AK8: variants seen among roughly 807,000 people sequenced by gnomAD.
AK8 encodes adenylate kinase 8.
In AK8, 44 loss-of-function variants were observed where a neutral mutation model predicts 54.6. The ratio of observed to expected loss-of-function variants is 0.81; its 90% CI spans 0.63 to 1.04. The LOEUF (loss-of-function observed/expected upper bound fraction) is 1.04. Among genes scored for constraint, AK8 ranks in the 50% least tolerant of loss-of-function variants. AK8 has a pLI of 0.00. For synonymous variants in AK8, 239 were observed against 245.6 expected, an observed-to-expected ratio of 0.97 and a Z score of 0.25; for missense variants, 555 against 613.6, an observed-to-expected ratio of 0.90 and a Z score of 1.01.
intron 1 of AK8, among the ~76,000 whole-genome samples, 187 bp from the exon 2 acceptor site, chr9:132,875,386 G>T (rs893428404): frequency 6.6e-6 from 1 of 151,980 alleles, no homozygotes; most frequent in African/African-American, 2.4e-5. Context: ...GGGGGGCCAC[G>T]TGGTGCTGCT....
At chr9:132,853,338 A>C (rs1843043956) in intron 5 of AK8, among the ~76,000 whole-genome samples, 1 of 147,720 alleles carries the variant, frequency 6.8e-6, no homozygotes. Context: ...TACCTGGGCG[A>C]CAGAATGAGA....
chr9:132,869,174 C>G (rs577432387), intron 2 of AK8, among the ~76,000 whole-genome samples: 2 of 152,174 alleles, frequency 1.3e-5, no homozygotes, highest in Non-Finnish European at 2.9e-5. Flanking sequence ...AGCAAGACTT[C>G]GTCTCAAAAT....
At chr9:132,876,308 ATTTCATGT>A (rs1332410694) in intron 1 of AK8, among the ~76,000 whole-genome samples, 5 of 152,230 alleles carry the variant, frequency 3.3e-5, no homozygotes, top group Non-Finnish European at 7.3e-5. Context: ...AATATTTTAC[ATTTCATGT>A]TTAAATCATT....
At chr9:132,792,573 C>A in intron 11 of AK8, 61 bp downstream of exon 11, 1 of 1,518,754 alleles carries the variant, frequency 6.6e-7, no homozygotes, top group African/African-American at 1.4e-5. Flanking sequence ...TTCAGCTGAG[C>A]CCTGGAGAGG....
intron 12 of AK8, among the ~76,000 whole-genome samples, chr9:132,726,647 G>A (rs1836589081): frequency 6.6e-6 from 1 of 152,196 alleles, no homozygotes; most frequent in Non-Finnish European, 1.5e-5. Flanking sequence ...ACAGTGCCAT[G>A]GTAAGCAGGA....
intron 11 of AK8, among the ~76,000 whole-genome samples, chr9:132,766,727 A>G (rs1838739381): frequency 6.6e-6 from 1 of 152,204 alleles, no homozygotes; most frequent in East Asian, 1.9e-4. Context: ...GGAGGCATCA[A>G]ATATACTACA....
chr9:132,835,133 G>A (rs1309816902), intron 5 of AK8, among the ~76,000 whole-genome samples: 2 of 152,230 alleles, frequency 1.3e-5, no homozygotes, highest in African/African-American at 4.8e-5. Flanking sequence ...GCTGCCCAAA[G>A]TGCTGGGATT....
At chr9:132,778,595 A>G (rs1296731917) in intron 11 of AK8, among the ~76,000 whole-genome samples, 1 of 152,176 alleles carries the variant, frequency 6.6e-6, no homozygotes, top group Admixed American at 6.5e-5. Context: ...ACTTTGGACC[A>G]TGTTAGAAAT....
intron 5 of AK8, among the ~76,000 whole-genome samples, chr9:132,831,665 C>T (rs902909231): frequency 6.6e-6 from 1 of 152,228 alleles, no homozygotes; most frequent in Admixed American, 6.5e-5. Context: ...GACGGACTGA[C>T]ATGGACGGAC....
intron 2 of AK8, among the ~76,000 whole-genome samples, chr9:132,868,653 A>T (rs1478453801): frequency 6.6e-6 from 1 of 152,218 alleles, no homozygotes; most frequent in Admixed American, 6.5e-5. Context: ...CCCCACAGGA[A>T]GAGAAGCTCC....
chr9:132,842,204 G>GC (rs1459741431), intron 5 of AK8, among the ~76,000 whole-genome samples: 4 of 152,216 alleles, frequency 2.6e-5, no homozygotes, highest in Non-Finnish European at 4.4e-5. Context: ...GGATAGGGCT[G>GC]CTGGATTTTA....
In AK8 at chr9:132,826,836, C is replaced by T; in HGVS notation, c.757+18G>A. 1 of 1,613,632 alleles carries T rather than the reference C, an allele frequency of 6.2e-7. No individual in the cohort carries two copies. The highest frequency in any genetic ancestry group is 8.5e-7 in the Non-Finnish European group (1 of 1,179,478). On this transcript the variant is annotated intron_variant, in intron 8 of 12. Transcript: ENST00000298545. The surrounding 1 kb of genome is among the most constrained non-coding windows in gnomAD (Gnocchi z 4.5). ...CCTTGGCCGTCTGTCCAGGGTGGGG[C>T]TGCCTGCTTGTGTTTACCCTGGTAG...
intron 5 of AK8, among the ~76,000 whole-genome samples, chr9:132,840,298 T>C (rs1842485125): frequency 6.6e-6 from 1 of 151,760 alleles, no homozygotes; most frequent in Middle Eastern, 3.2e-3. Context: ...TCCAAAGGAG[T>C]GAACCGAGCA....
chr9:132,731,856 G>A (rs376676225), intron 11 of AK8, among the ~76,000 whole-genome samples: 8 of 152,152 alleles, frequency 5.3e-5, no homozygotes, highest in South Asian at 2.1e-4. Flanking sequence ...GCAACATTGC[G>A]AGACCCCGTC....
chr9:132,790,640 C>G lies in AK8; in HGVS notation c.1121+1994G>C. On this transcript the variant is annotated intron_variant, in intron 11 of 12. Coordinates refer to ENST00000298545, the MANE Select transcript of AK8 (RefSeq NM_152572.3). This position sits in a 1 kb window ranked among gnomAD's most constrained non-coding sequence, Gnocchi z 4.1. Reference sequence around the variant, plus strand: ...GCAGTACCAGGACAGCCCTTATGGTCAGGAAAAACCACCGTGTCGATCATG... The same window carrying G: ...GCAGTACCAGGACAGCCCTTATGGTGAGGAAAAACCACCGTGTCGATCATG... Among the ~76,000 whole-genome samples, 1 of 152,090 alleles carries G rather than the reference C, an allele frequency of 6.6e-6. No individual in the cohort carries two copies. Among genetic ancestry groups the G allele is most frequent in the East Asian group, 1.9e-4 (1 of 5,192 alleles).
intron 11 of AK8, among the ~76,000 whole-genome samples, chr9:132,744,489 C>A (rs888525979): frequency 2.0e-5 from 3 of 151,618 alleles, no homozygotes; most frequent in Non-Finnish European, 2.9e-5. Flanking sequence ...GGTCAGATCA[C>A]GCAGGTGTCA....
At chr9:132,820,822 G>A (rs1305570658) in intron 9 of AK8, among the ~76,000 whole-genome samples, 4 of 152,328 alleles carry the variant, frequency 2.6e-5, no homozygotes, top group Admixed American at 6.5e-5. Flanking sequence ...GGCCGCAGCG[G>A]AGCAGACAGC....
At chr9:132,779,397 C>T (rs1000732808) in intron 11 of AK8, among the ~76,000 whole-genome samples, 2 of 152,256 alleles carry the variant, frequency 1.3e-5, no homozygotes, top group Non-Finnish European at 2.9e-5. Context: ...TCATAGCTCA[C>T]TGCAGCCTCT....
intron 10 of AK8, among the ~76,000 whole-genome samples, chr9:132,812,149 G>A (rs1025476707): frequency 7.0e-5 from 10 of 143,566 alleles, no homozygotes; most frequent in African/African-American, 2.5e-4. Context: ...CAGTAAATGG[G>A]AATTTGGAGA....
Sources: gnomAD v4.1 joint callset for allele counts (sites outside exome capture counted in the v4.1 genomes callset) on GRCh38, gnomAD v4.1.1 for gene constraint, Gnocchi (gnomAD v3.1) non-coding constraint, MANE v1.5 for transcripts, NCBI Gene and HGNC (gene_info 2026-07-23, HGNC 2026-07-21) for gene names.